ZNF605: variants seen among roughly 807,000 people sequenced by gnomAD.
ZNF605 encodes zinc finger protein 605.
A neutral mutation model predicts 7.9 loss-of-function variants in ZNF605; 9 were observed. That is an observed-to-expected ratio of 1.14 (90% CI 0.68 to 1.98). The LOEUF (loss-of-function observed/expected upper bound fraction) is 1.98, where lower values mean the gene tolerates loss of function less well. Among genes scored for constraint, ZNF605 ranks in the 30% most tolerant of loss-of-function variants. The pLI, the probability that ZNF605 is intolerant of heterozygous loss-of-function variation, is 0.00. For synonymous variants in ZNF605, 255 were observed against 260.1 expected, an observed-to-expected ratio of 0.98 and a Z score of 0.19; for missense variants, 673 against 762.4, an observed-to-expected ratio of 0.88 and a Z score of 1.38.
intron 3 of ZNF605, among the ~76,000 whole-genome samples, chr12:132,940,235 C>T (rs1952421853): frequency 1.3e-5 from 2 of 152,192 alleles, no homozygotes; most frequent in Admixed American, 6.6e-5. Context: ...ATAAGGGATG[C>T]ACAGCCACAG....
rs370192488 is a variant in ZNF605 at position 132,954,532 on chromosome 12, C to T, written c.-286+1711G>A. On this transcript the variant is annotated intron_variant, in intron 1 of 4. Transcript: ENST00000360187. Reference sequence around the variant, plus strand: ...CTCCATTCACTCACTTCATCAGGTGCCCAAGTCAGGCGCTCACAGAGCCCC... The same window carrying T: ...CTCCATTCACTCACTTCATCAGGTGTCCAAGTCAGGCGCTCACAGAGCCCC... Among the ~76,000 whole-genome samples the T allele has an allele frequency of 2.2e-4, 24 of 111,312 alleles. No homozygotes were observed. The East Asian group carries it at 4.5e-3, about 21-fold the overall frequency. The allele number at this position is 111,312 out of a possible 152,430, so 73.0% of individuals were successfully genotyped here. A position where few individuals can be genotyped will look rare whatever the true frequency, so the allele number is the denominator to read the frequency against.
At position 132,926,992 on chromosome 12, in the gene ZNF605, T is replaced by G; in HGVS notation, c.307A>C (p.Lys103Gln). The G allele has an allele frequency of 6.2e-7, 1 of 1,612,146 alleles. No homozygotes were observed. The highest frequency in any genetic ancestry group is 8.5e-7 in the Non-Finnish European group (1 of 1,179,730). The change falls in exon 5 of 5, where the codon AAA becomes CAA. Residue 103 changes from lysine (K) to glutamine (Q), a missense_variant. Lys to Gln is a moderately conservative substitution (Grantham distance 53). Transcript: ENST00000360187. ...HKCGTGEKSL[K>Q]CPFDLLIPKN... Reference sequence around the variant, plus strand: ...GGAATAAGCAAATCAAAAGGACATTTCAAACTTTTTTCTCCTGTGCCACAT... The same window carrying G: ...GGAATAAGCAAATCAAAAGGACATTGCAAACTTTTTTCTCCTGTGCCACAT...
chr12:132,927,599 C>T (rs935399003), intron 4 of ZNF605, among the ~76,000 whole-genome samples: 1 of 151,742 alleles, frequency 6.6e-6, no homozygotes, highest in Admixed American at 6.6e-5. Flanking sequence ...CTCTTGACCT[C>T]GTGATCCACC....
rs1322193907 is a variant in ZNF605 at position 132,926,885 on chromosome 12, A to T, written c.414T>A (p.Gly138=). 6.2e-7 allele frequency: 1 copy of T among 1,614,002 alleles called. No homozygotes were observed. Among genetic ancestry groups the T allele is most frequent in the African/African-American group, 1.3e-5 (1 of 74,906 alleles). ...TACTGCAATCACAGTATTTTATCCC[A>T]CCATGGGTTCTGCCAGGTTTGATAC... ...LFCIKPGRTH[G]GIKYCDCSTC... The change falls in exon 5 of 5, where the codon GGT becomes GGA. Residue 138 remains glycine (G), a synonymous_variant. Coordinates refer to ENST00000360187, the MANE Select transcript of ZNF605 (RefSeq NM_183238.4).
At chr12:132,939,713 C>G (rs528847406) in intron 3 of ZNF605, among the ~76,000 whole-genome samples, 2 of 152,192 alleles carry the variant, frequency 1.3e-5, no homozygotes, top group Admixed American at 6.5e-5. Flanking sequence ...GCAACCCGCT[C>G]GGGTCCTCTT....
intron 1 of ZNF605, among the ~76,000 whole-genome samples, 152 bp downstream of exon 1, chr12:132,956,091 G>C (rs892913266): frequency 6.6e-6 from 1 of 150,656 alleles, no homozygotes; most frequent in African/African-American, 2.4e-5. Context: ...CGGTCCGCAG[G>C]CCTTTCTCGC....
At position 132,926,477 on chromosome 12, in the gene ZNF605, C is replaced by A. The variant is rs1174565514; in HGVS notation, c.822G>T (p.Thr274=). 4 of 1,613,728 alleles carry A rather than the reference C, an allele frequency of 2.5e-6. No individual in the cohort carries two copies. The African/African-American group carries it at 4.0e-5, about 16-fold the overall frequency. ...AACTGTAGGGTTTCTCTATTGTGTGCGTTATCTGATGTCTTTTAAGCTGCG... is the reference window on the plus strand; with the variant it reads ...AACTGTAGGGTTTCTCTATTGTGTGAGTTATCTGATGTCTTTTAAGCTGCG... ...RKSQLKRHQI[T]HTIEKPYSCS... The change falls in exon 5 of 5, where the codon ACG becomes ACT. Residue 274 remains threonine (T), a synonymous_variant. Transcript: ENST00000360187.
Position 132,926,520 on chromosome 12 carries a change from T to C in ZNF605, c.779A>G (p.Lys260Arg). 1.2e-6 allele frequency: 2 copies of C among 1,614,186 alleles called. No homozygotes were observed. The highest frequency in any genetic ancestry group is 1.7e-6 in the Non-Finnish European group (2 of 1,180,034). Residue 260 changes from lysine to arginine, a missense_variant, in exon 5 of 5, where the codon AAA (lysine) becomes AGA (arginine). Lys to Arg is a conservative substitution (Grantham distance 26). Transcript: ENST00000360187. The part of the protein sequence containing the change: ...EKPYGCSECG[K>R]AFSRKSQLKR... ...AAGCTGCGACTTCCTACTGAAGGCTTTTCCACATTCACTGCATCCATACGG... is the reference window on the plus strand; with the variant it reads ...AAGCTGCGACTTCCTACTGAAGGCTCTTCCACATTCACTGCATCCATACGG...
At chr12:132,937,077 G>A (rs1248261948) in intron 3 of ZNF605, among the ~76,000 whole-genome samples, 3 of 152,132 alleles carry the variant, frequency 2.0e-5, no homozygotes, top group Non-Finnish European at 4.4e-5. Context: ...TATGGAAGGT[G>A]GCTGGGCGCG....
In ZNF605 at chr12:132,918,613, T is replaced by TGGA. The variant is rs1952178091; in HGVS notation, c.*6759_*6760insTCC. The TGGA allele has an allele frequency of 6.6e-6, 1 of 152,330 alleles. No individual in the cohort carries two copies. The highest frequency in any genetic ancestry group is 1.5e-5 in the Non-Finnish European group (1 of 68,114). The allele number at this position is 152,330 out of a possible 1,614,324, so 9.4% of individuals were successfully genotyped here. A position where few individuals can be genotyped will look rare whatever the true frequency, so the allele number is the denominator to read the frequency against. ...CTTTTTTTGAGACGGAGTCTCACTC[T>TGGA]GTTGCTCAGGCTGGAGTGCAGTGGT... On this transcript the variant is annotated 3_prime_UTR_variant, in exon 5 of 5. Transcript: ENST00000360187.
intron 3 of ZNF605, among the ~76,000 whole-genome samples, chr12:132,937,516 G>GACACAC (rs151320663): frequency 6.7e-6 from 1 of 148,432 alleles, no homozygotes; most frequent in African/African-American, 2.5e-5. Flanking sequence ...CACACACACA[G>GACACAC]ACACACACAC....
chr12:132,925,749 T>C lies in ZNF605; in HGVS notation c.1550A>G (p.Lys517Arg). ...CSECRKAFAW[K>R]PQLLRHQRIH... is the part of the protein sequence containing the mutation. ...TCTCTGATGCCTAAGAAGCTGTGGC[T>C]TCCAGGCAAAAGCTTTCCTACATTC... The change falls in exon 5 of 5, where the codon AAG becomes AGG. Residue 517 changes from lysine to arginine, a missense_variant. Transcript: ENST00000360187. 1 of 1,613,998 alleles carries C rather than the reference T, an allele frequency of 6.2e-7. No homozygotes were observed. Among genetic ancestry groups the C allele is most frequent in the Non-Finnish European group, 8.5e-7 (1 of 1,179,906 alleles).
At chr12:132,939,173 G>C (rs1169212964) in intron 3 of ZNF605, among the ~76,000 whole-genome samples, 3 of 152,160 alleles carry the variant, frequency 2.0e-5, no homozygotes, top group African/African-American at 7.2e-5. Context: ...AGCTCCACCT[G>C]CAGCCCCGGT....
rs369303489 is a variant in ZNF605 at position 132,933,240 on chromosome 12, C to T, written c.16-85G>A. 601 of 1,467,568 alleles carry T rather than the reference C, an allele frequency of 4.1e-4. 5 individuals are homozygous for T. In the East Asian group the frequency reaches 0.011, roughly 27 times the overall value. 90.9% of individuals were successfully genotyped at this position (1,467,568 alleles called of 1,614,324 possible). On this transcript the variant is annotated intron_variant, in intron 3 of 4. Coordinates refer to ENST00000360187, the MANE Select transcript of ZNF605 (RefSeq NM_183238.4). This position sits in a 1 kb window ranked among gnomAD's most constrained non-coding sequence, Gnocchi z 4.4. ...TTTCTTCTGTATTTGTGGTAGGTGGCCTCTAAGATGGCCCCAGTGACCTCT... is the reference window on the plus strand; with the variant it reads ...TTTCTTCTGTATTTGTGGTAGGTGGTCTCTAAGATGGCCCCAGTGACCTCT...
rs968958935 is a variant in ZNF605 at position 132,949,991 on chromosome 12, T to G, written c.-285-1721A>C. ...TCCTGGAAGAGCCCAGAGATTGGCA[T>G]CCAAAGACGCAGCTCCTCCTGAGAC... On this transcript the variant is annotated intron_variant, in intron 1 of 4. Transcript: ENST00000360187. Among the ~76,000 whole-genome samples, 61 of 151,782 alleles carry G rather than the reference T, an allele frequency of 4.0e-4. No homozygotes were observed. In the South Asian group the frequency reaches 0.01, roughly 25 times the overall value.
At chr12:132,935,215 C>T (rs1211389585) in intron 3 of ZNF605, among the ~76,000 whole-genome samples, 1 of 151,928 alleles carries the variant, frequency 6.6e-6, no homozygotes, top group African/African-American at 2.4e-5. Context: ...AGAATAAGCC[C>T]AAGCATAGGG....
At chr12:132,951,958 A>T (rs1462708394) in intron 1 of ZNF605, among the ~76,000 whole-genome samples, 2 of 151,850 alleles carry the variant, frequency 1.3e-5, no homozygotes, top group Non-Finnish European at 2.9e-5. Context: ...ACGTACATAC[A>T]TCACATACAC....
chr12:132,952,956 C>T (rs1229208634), intron 1 of ZNF605, among the ~76,000 whole-genome samples: 1 of 151,984 alleles, frequency 6.6e-6, no homozygotes, highest in Admixed American at 6.6e-5. Flanking sequence ...CCAGAGAGGG[C>T]CTCCATCACA....
At chr12:132,953,931 A>G (rs1478102079) in intron 1 of ZNF605, among the ~76,000 whole-genome samples, 5 of 151,748 alleles carry the variant, frequency 3.3e-5, no homozygotes, top group East Asian at 3.9e-4. Flanking sequence ...TGCCCACCCC[A>G]TCAGTCATTC....
Sources: gnomAD v4.1 joint callset for allele counts (sites outside exome capture counted in the v4.1 genomes callset) on GRCh38, gnomAD v4.1.1 for gene constraint, Gnocchi (gnomAD v3.1) non-coding constraint, MANE v1.5 for transcripts, NCBI Gene and HGNC (gene_info 2026-07-23, HGNC 2026-07-21) for gene names.